The following CHL1 variants were observed in gnomAD, a reference collection of about 807,000 sequenced individuals.
CHL1 encodes the protein cell adhesion molecule L1 like.
Under a neutral mutation model 141.9 loss-of-function variants are expected in CHL1, and 96 were observed. That is an observed-to-expected ratio of 0.68 (90% CI 0.57 to 0.80). The LOEUF (loss-of-function observed/expected upper bound fraction) is 0.80, where lower values mean the gene tolerates loss of function less well. Among genes scored for constraint, CHL1 ranks in the 30% least tolerant of loss-of-function variants. The pLI is 0.00. For missense variants in CHL1, 1,820 were observed against 1,457.2 expected (o/e 1.25, Z -4.05); for synonymous variants, 613 against 502.2 (o/e 1.22, Z -2.95).
intron 5 of CHL1, among the ~76,000 whole-genome samples, chr3:338,268 T>C (rs1476085229): frequency 6.6e-6 from 1 of 152,222 alleles, no homozygotes; most frequent in African/African-American, 2.4e-5. Flanking sequence ...GTTGATGAAG[T>C]ACCCATGTGA....
Position 408,686 on chromosome 3 carries a change from T to C in CHL1, c.*2975T>C, listed in dbSNP as rs1453122986. The C allele has an allele frequency of 6.6e-6, 1 of 152,132 alleles. No homozygotes were observed. The highest frequency in any genetic ancestry group is 1.5e-5 in the Non-Finnish European group (1 of 68,018). The allele number at this position is 152,132 out of a possible 1,614,324, so 9.4% of individuals were successfully genotyped here. Reference sequence around the variant, plus strand: ...AAAACAAATCTACATAAAATAAATCTACTGTTTAGTGAGCAGTATGATTTG... The same window carrying C: ...AAAACAAATCTACATAAAATAAATCCACTGTTTAGTGAGCAGTATGATTTG... On this transcript the variant is annotated 3_prime_UTR_variant, in exon 28 of 28. Coordinates refer to ENST00000256509, the MANE Select transcript of CHL1 (RefSeq NM_006614.4).
At chr3:297,719 G>A (rs527861847) in intron 2 of CHL1, among the ~76,000 whole-genome samples, 1 of 152,272 alleles carries the variant, frequency 6.6e-6, no homozygotes, top group African/African-American at 2.4e-5. Flanking sequence ...GGTTTGCTTT[G>A]TATCCCATGG....
chr3:277,913 T>A (rs1696299631), intron 2 of CHL1, among the ~76,000 whole-genome samples: 1 of 152,252 alleles, frequency 6.6e-6, no homozygotes, highest in South Asian at 2.1e-4. Flanking sequence ...CAGCTACATT[T>A]CACAGATTTT....
At chr3:379,586 G>A (rs1321430042) in intron 16 of CHL1, among the ~76,000 whole-genome samples, 1 of 152,000 alleles carries the variant, frequency 6.6e-6, no homozygotes, top group Non-Finnish European at 1.5e-5. Flanking sequence ...CAAAAGGACC[G>A]GGTCTCCTAC....
intron 4 of CHL1, 123 bp downstream of exon 4, chr3:326,187 C>A: frequency 9.3e-6 from 5 of 534,990 alleles, no homozygotes; most frequent in South Asian, 4.3e-5. Flanking sequence ...TAAGGGTTTA[C>A]AAAAAATCAT....
chr3:246,484 G>A (rs1693183751), intron 2 of CHL1: 1 of 151,892 alleles, frequency 6.6e-6, no homozygotes, highest in South Asian at 2.1e-4. Flanking sequence ...TCCAGGAAGG[G>A]TTTGTGGAAT....
intron 2 of CHL1, among the ~76,000 whole-genome samples, chr3:275,137 T>C (rs1386029706): frequency 6.6e-6 from 1 of 152,242 alleles, no homozygotes; most frequent in African/African-American, 2.4e-5. Flanking sequence ...TATTTACTAG[T>C]GATGAAACTG....
intron 1 of CHL1, among the ~76,000 whole-genome samples, chr3:221,710 G>T (rs538921329): frequency 6.6e-6 from 1 of 152,184 alleles, no homozygotes; most frequent in South Asian, 2.1e-4. Context: ...TATCAGTTCT[G>T]TGTGTTCTTA....
intron 18 of CHL1, among the ~76,000 whole-genome samples, chr3:382,890 GA>G (rs905835963): frequency 9.5e-4 from 143 of 150,098 alleles, no homozygotes; most frequent in African/African-American, 2.9e-3. Context: ...AGTGACATAT[GA>G]AAAAAAAACA....
At chr3:281,684 C>G (rs961172749) in intron 2 of CHL1, among the ~76,000 whole-genome samples, 4 of 151,854 alleles carry the variant, frequency 2.6e-5, no homozygotes, top group African/African-American at 7.3e-5. Flanking sequence ...CTCAGCCCCC[C>G]AAATAGCTGG....
chr3:324,446 G>T (rs1700838877), intron 3 of CHL1, among the ~76,000 whole-genome samples: 1 of 151,876 alleles, frequency 6.6e-6, no homozygotes, highest in South Asian at 2.1e-4. Flanking sequence ...AATATTGAGT[G>T]CTCATCAGCA....
intron 1 of CHL1, among the ~76,000 whole-genome samples, chr3:218,703 T>C (rs1388421582): frequency 6.6e-6 from 1 of 152,012 alleles, no homozygotes. Context: ...ATATAAAGAA[T>C]GACATAAAGA....
At chr3:262,014 A>G (rs1574895604) in intron 2 of CHL1, among the ~76,000 whole-genome samples, 8 of 64,014 alleles carry the variant, frequency 1.2e-4, no homozygotes, top group Admixed American at 5.0e-4. Flanking sequence ...TCACACGTTT[A>G]AGCCTAGATC....
chr3:307,478 A>G (rs957020457), intron 2 of CHL1, among the ~76,000 whole-genome samples: 5 of 152,194 alleles, frequency 3.3e-5, no homozygotes. Context: ...ATTCAGCTAC[A>G]TTTTCGATTG....
rs73005664 is a variant in CHL1 at position 251,424 on chromosome 3, C to T, written c.-95+6732C>T. On this transcript the variant is annotated intron_variant, in intron 2 of 27. Transcript: ENST00000256509. ...CTCTCTGAACCTGAGGCTGCTAATC[C>T]GTAAAGTGGGCTCATAATCCTTATC... Among the ~76,000 whole-genome samples, 129 of 152,216 alleles carry T rather than the reference C, an allele frequency of 8.5e-4. 1 individual carries two copies. The highest frequency in any genetic ancestry group is 1.6e-3 in the Non-Finnish European group (112 of 67,998).
chr3:388,343 T>C (rs1166913184), intron 19 of CHL1, among the ~76,000 whole-genome samples: 2 of 151,532 alleles, frequency 1.3e-5, no homozygotes, highest in Admixed American at 1.3e-4. Context: ...AGGTTGGGAG[T>C]TCAAGACCAG....
intron 1 of CHL1, among the ~76,000 whole-genome samples, chr3:236,137 G>A (rs768037291): frequency 1.1e-4 from 17 of 152,248 alleles, no homozygotes; most frequent in African/African-American, 3.1e-4. Context: ...GCCCTGCTCC[G>A]CCTGCTTGAT....
intron 1 of CHL1, among the ~76,000 whole-genome samples, chr3:225,286 C>T (rs540824928): frequency 6.6e-6 from 1 of 152,332 alleles, no homozygotes; most frequent in African/African-American, 2.4e-5. Context: ...TCAGAATGAT[C>T]TCCACCCTCA....
Position 208,367 on chromosome 3 carries a change from C to G in CHL1, c.-175+11304C>G, listed in dbSNP as rs189515191. On this transcript the variant is annotated intron_variant, in intron 1 of 27. Coordinates refer to ENST00000256509, the MANE Select transcript of CHL1 (RefSeq NM_006614.4). The stretch of plus-strand genomic sequence containing the variant: ...TTACTGCCTCAATTAAGCATGCATT[C>G]CACTTCCTTTGCCCCTCCAAATTCA... 8.1e-5 allele frequency among the ~76,000 whole-genome samples: 12 copies of G among 147,984 alleles called. No individual in the cohort carries two copies. The East Asian group carries it at 2.1e-3, about 26-fold the overall frequency.
Sources: gnomAD v4.1 joint callset for allele counts (sites outside exome capture counted in the v4.1 genomes callset) on GRCh38, gnomAD v4.1.1 for gene constraint, MANE v1.5 for transcripts, NCBI Gene and HGNC (gene_info 2026-07-23, HGNC 2026-07-21) for gene names.